PPIH: variants seen among roughly 807,000 people sequenced by gnomAD.
PPIH encodes the protein peptidylprolyl isomerase H, also known as peptidyl-prolyl cis-trans isomerase H.
A neutral mutation model predicts 27.6 loss-of-function variants in PPIH; 16 were observed. The observed-to-expected ratio is 0.58, with a 90% CI of 0.39 to 0.88. The LOEUF is 0.88. Ranked by LOEUF, PPIH falls within the 40% of genes least tolerant of loss-of-function variation. The pLI is 0.00. For missense variants in PPIH, 155 were observed against 224.1 expected, an observed-to-expected ratio of 0.69 and a Z score of 1.97; for synonymous variants, 63 against 76.1, an observed-to-expected ratio of 0.83 and a Z score of 0.90.
At chr1:42,669,627 C>T (rs1252361049) in intron 9 of PPIH, among the ~76,000 whole-genome samples, 2 of 152,126 alleles carry the variant, frequency 1.3e-5, no homozygotes, top group African/African-American at 4.8e-5. Flanking sequence ...TAATTGTTTT[C>T]TTCAGAATAT....
downstream of PPIH, chr1:42,681,490 AGAAC>A (rs905046167): frequency 3.9e-5 from 6 of 152,218 alleles, no homozygotes; most frequent in Non-Finnish European, 7.3e-5. Context: ...CGCTTAAAAA[AGAAC>A]GAAAGAAGGT....
At chr1:42,673,896 T>C (rs1649760362) in intron 9 of PPIH, among the ~76,000 whole-genome samples, 1 of 152,266 alleles carries the variant, frequency 6.6e-6, no homozygotes, top group African/African-American at 2.4e-5. Flanking sequence ...GAAGATGCTA[T>C]TTGAATGACT....
chr1:42,669,904 G>A (rs1649537521), intron 9 of PPIH, among the ~76,000 whole-genome samples: 1 of 152,084 alleles, frequency 6.6e-6, no homozygotes, highest in African/African-American at 2.4e-5. Flanking sequence ...TAATTTTTCT[G>A]TATAGTGTTA....
intron 9 of PPIH, among the ~76,000 whole-genome samples, chr1:42,671,208 C>T (rs919830842): frequency 9.9e-5 from 15 of 152,104 alleles, no homozygotes; most frequent in African/African-American, 3.1e-4. Context: ...GCAGGTGGAT[C>T]GCTTGAGGCC....
intron 9 of PPIH, among the ~76,000 whole-genome samples, chr1:42,668,735 C>T (rs1302180184): frequency 6.6e-6 from 1 of 152,208 alleles, no homozygotes; most frequent in East Asian, 1.9e-4. Flanking sequence ...ATTCCACTCC[C>T]CTTTCCAAAG....
chr1:42,665,867 G>C, intron 6 of PPIH, 113 bp from the exon 7 acceptor site: 1 of 859,850 alleles, frequency 1.2e-6, no homozygotes, highest in South Asian at 1.4e-5. Flanking sequence ...TGCTAAGTTA[G>C]ATTTACTGAA....
downstream of PPIH, among the ~76,000 whole-genome samples, chr1:42,679,068 C>T (rs1176691446): frequency 6.6e-6 from 1 of 152,224 alleles, no homozygotes; most frequent in South Asian, 2.1e-4. Context: ...CTGTACTGTG[C>T]TCACCACGGA....
rs1649902120 is a variant in PPIH, at chr1:42,676,667, ATT to A, written c.*107_*108del. 1.3e-5 allele frequency: 2 copies of A among 151,730 alleles called. No homozygotes were observed. Among genetic ancestry groups the A allele is most frequent in the African/African-American group, 4.8e-5 (2 of 41,284 alleles). The allele number at this position is 151,730 out of a possible 1,614,324, so 9.4% of individuals were successfully genotyped here. A position where few individuals can be genotyped will look rare whatever the true frequency, so the allele number is the denominator to read the frequency against. On this transcript the variant is annotated 3_prime_UTR_variant, in exon 10 of 10. Coordinates refer to ENST00000304979, the MANE Select transcript of PPIH (RefSeq NM_006347.4). The stretch of plus-strand genomic sequence containing the variant: ...TTGCTTCCCTGCCTGCTGCTGCCCC[ATT>A]TGATCAAGAGACCATGGAAGTGTCA...
intron 9 of PPIH, among the ~76,000 whole-genome samples, chr1:42,676,350 C>T (rs1009588934): frequency 6.6e-6 from 1 of 152,082 alleles, no homozygotes; most frequent in Non-Finnish European, 1.5e-5. Context: ...CGCCTGTATT[C>T]CCAGCTACTC....
downstream of PPIH, among the ~76,000 whole-genome samples, chr1:42,679,438 C>T (rs1427537634): frequency 1.3e-5 from 2 of 152,204 alleles, no homozygotes; most frequent in African/African-American, 4.8e-5. Context: ...GATCCGCCTG[C>T]CTCGGCCTCC....
intron 5 of PPIH, among the ~76,000 whole-genome samples, chr1:42,662,577 T>C (rs1379742338): frequency 6.6e-6 from 1 of 151,828 alleles, no homozygotes. Flanking sequence ...AAAGCTTGCT[T>C]AGAACCTTCC....
chr1:42,659,807 T>C (rs1648902259), intron 4 of PPIH, among the ~76,000 whole-genome samples: 1 of 152,238 alleles, frequency 6.6e-6, no homozygotes, highest in South Asian at 2.1e-4. Context: ...ATGCACTTGT[T>C]TGTGCGAATG....
At chr1:42,665,876 A>T in intron 6 of PPIH, 104 bp from the exon 7 acceptor site, 1 of 947,358 alleles carries the variant, frequency 1.1e-6, no homozygotes, top group Non-Finnish European at 1.7e-6. Flanking sequence ...AGATTTACTG[A>T]AAAAAACCAT....
chr1:42,673,582 C>T (rs1172687155), intron 9 of PPIH, among the ~76,000 whole-genome samples: 2 of 152,188 alleles, frequency 1.3e-5, no homozygotes, highest in African/African-American at 2.4e-5. Context: ...GTTAAACCTA[C>T]GAATTCCTAG....
downstream of PPIH, chr1:42,678,952 C>G (rs1649961559): frequency 6.6e-6 from 1 of 152,198 alleles, no homozygotes; most frequent in Non-Finnish European, 1.5e-5. Context: ...TCTTAGGCCA[C>G]AGTCTATTAG....
At chr1:42,681,044 G>A (rs1359372920), downstream of PPIH, 1 of 152,096 alleles carries the variant, frequency 6.6e-6, no homozygotes, top group African/African-American at 2.4e-5. Flanking sequence ...CATTGGTAGG[G>A]GTAAGGAATA....
At chr1:42,680,245 T>C (rs113106972), downstream of PPIH, among the ~76,000 whole-genome samples, 946 of 152,368 alleles carry the variant, frequency 6.2e-3, 7 homozygotes, top group African/African-American at 0.021. Context: ...TACGATGTCC[T>C]CTGAAGCATG....
At chr1:42,671,017 A>T (rs927077403) in intron 9 of PPIH, among the ~76,000 whole-genome samples, 1 of 152,066 alleles carries the variant, frequency 6.6e-6, no homozygotes, top group African/African-American at 2.4e-5. Flanking sequence ...GCTGGTCTTG[A>T]ACTCCTAAGC....
At chr1:42,680,720 A>G (rs1649995872), downstream of PPIH, among the ~76,000 whole-genome samples, 1 of 152,244 alleles carries the variant, frequency 6.6e-6, no homozygotes, top group Non-Finnish European at 1.5e-5. Context: ...TCTGTGGCTC[A>G]TGAGCTAAGA....
Sources: allele counts gnomAD v4.1 joint callset (sites outside exome capture counted in the v4.1 genomes callset), GRCh38; gene constraint gnomAD v4.1.1; transcripts MANE v1.5; gene names NCBI Gene and HGNC (gene_info 2026-07-23, HGNC 2026-07-21).